Variants in DAB1 observed in about 807,000 individuals in gnomAD.
DAB1 encodes DAB adaptor protein 1, also known as disabled homolog 1.
DAB1 carries 15 observed loss-of-function variants against 64.6 expected under a neutral mutation model. That is an observed-to-expected ratio of 0.23 (90% CI 0.16 to 0.36). The LOEUF is 0.36. Ranked by LOEUF, DAB1 falls within the 10% of genes least tolerant of loss-of-function variation. The probability of loss-of-function intolerance (pLI) is 1.00; values close to 1 mark genes in which losing one functional copy is unlikely to be tolerated. For synonymous variants in DAB1, 235 were observed against 251.9 expected (o/e 0.93, Z 0.64); for missense variants, 596 against 706.7 (o/e 0.84, Z 1.78).
intron 5 of DAB1, chr1:58,048,998 C>A (rs1348333413): frequency 2.5e-6 from 2 of 809,034 alleles, no homozygotes; most frequent in East Asian, 2.4e-5. Context: ...TAAGTGGGCA[C>A]CTGGTCTTTG....
At chr1:58,544,759 A>C (rs1251249965) in intron 1 of DAB1, among the ~76,000 whole-genome samples, 1 of 152,056 alleles carries the variant, frequency 6.6e-6, no homozygotes, top group Non-Finnish European at 1.5e-5. Flanking sequence ...ACATCTGGCT[A>C]ATTTTTGTAT....
intron 3 of DAB1, among the ~76,000 whole-genome samples, chr1:58,406,719 C>G (rs749163069): frequency 3.2e-4 from 9 of 28,116 alleles, no homozygotes; most frequent in African/African-American, 5.8e-4. Context: ...TCCCCCCCCC[C>G]CAACTGCCAC....
At chr1:57,522,691 GGT>G (rs1644542942) in intron 7 of DAB1, among the ~76,000 whole-genome samples, 1 of 152,076 alleles carries the variant, frequency 6.6e-6, no homozygotes, top group Non-Finnish European at 1.5e-5. Context: ...ATTGTTCCTG[GGT>G]GTGTCTGTGA....
chr1:57,335,672 C>T (rs1435293865), intron 1 of DAB1, among the ~76,000 whole-genome samples: 6 of 152,106 alleles, frequency 3.9e-5, no homozygotes, highest in African/African-American at 1.4e-4. Flanking sequence ...ATGGCATACC[C>T]CTGCTCATCT....
intron 1 of DAB1, among the ~76,000 whole-genome samples, chr1:57,301,194 A>G (rs2100698658): frequency 6.6e-6 from 1 of 152,308 alleles, no homozygotes; most frequent in African/African-American, 2.4e-5. Flanking sequence ...CACATTTCCT[A>G]AACACTGACT....
At chr1:57,034,892 C>T (rs552305747) in intron 9 of DAB1, among the ~76,000 whole-genome samples, 1 of 152,296 alleles carries the variant, frequency 6.6e-6, no homozygotes, top group South Asian at 2.1e-4. Context: ...GTGACTGTTA[C>T]TTCCCTCAGC....
At position 58,056,155 on chromosome 1, in the gene DAB1, C is replaced by A. The variant is rs369461173; in HGVS notation, n.387+94356G>T. On this transcript the variant is annotated intron_variant and non_coding_transcript_variant, in intron 5 of 20. Transcript: ENST00000485760. ...TCCTTACATGGGCTTTGGTGGGGGA[C>A]GTGGGGCAGCACCCGCAGGTCTAAA... The A allele has an allele frequency of 8.5e-5, 123 of 1,452,418 alleles. No individual in the cohort carries two copies. In the South Asian group the frequency reaches 1.3e-3, roughly 16 times the overall value. 90.0% of individuals were successfully genotyped at this position (1,452,418 alleles called of 1,614,324 possible). A position where few individuals can be genotyped will look rare whatever the true frequency, so the allele number is the denominator to read the frequency against.
intron 2 of DAB1, among the ~76,000 whole-genome samples, chr1:57,196,534 A>G (rs1378774648): frequency 2.6e-5 from 4 of 152,204 alleles, no homozygotes; most frequent in Admixed American, 1.3e-4. Flanking sequence ...TGGCTAAAGA[A>G]AGGGCTTTAA....
At chr1:57,519,220 A>G (rs1171736329) in intron 7 of DAB1, among the ~76,000 whole-genome samples, 1 of 152,132 alleles carries the variant, frequency 6.6e-6, no homozygotes, top group Admixed American at 6.5e-5. Flanking sequence ...TATCAACTCT[A>G]TAAATACTTA....
chr1:57,842,790 G>T (rs550182104), intron 1 of DAB1, among the ~76,000 whole-genome samples: 66 of 152,178 alleles, frequency 4.3e-4, no homozygotes, highest in Non-Finnish European at 7.1e-4. Flanking sequence ...CACATGTGAG[G>T]ATTACAATTC....
intron 3 of DAB1, among the ~76,000 whole-genome samples, chr1:58,387,249 A>AG (rs1357030444): frequency 4.6e-5 from 7 of 152,200 alleles, no homozygotes; most frequent in African/African-American, 1.7e-4. Context: ...CCACTCTCTG[A>AG]AGGTTCACTG....
chr1:58,517,411 C>T (rs1473064758), intron 2 of DAB1, among the ~76,000 whole-genome samples: 2 of 152,174 alleles, frequency 1.3e-5, no homozygotes, highest in Non-Finnish European at 2.9e-5. Context: ...CCATGCCAAA[C>T]ACTACACCTA....
chr1:57,684,577 A>T (rs1646672529), intron 6 of DAB1, among the ~76,000 whole-genome samples: 1 of 152,236 alleles, frequency 6.6e-6, no homozygotes, highest in African/African-American at 2.4e-5. Context: ...AAGGGAATTC[A>T]TTACAACTAG....
intron 1 of DAB1, among the ~76,000 whole-genome samples, chr1:57,361,186 CA>C (rs1208499134): frequency 6.6e-6 from 1 of 152,120 alleles, no homozygotes; most frequent in East Asian, 1.9e-4. Flanking sequence ...ACTGCAATTA[CA>C]GATGTAATAT....
At chr1:57,520,481 A>C (rs778150801) in intron 7 of DAB1, among the ~76,000 whole-genome samples, 39 of 152,076 alleles carry the variant, frequency 2.6e-4, no homozygotes, top group Non-Finnish European at 4.1e-4. Context: ...TTTTGCATAT[A>C]TTGTTCTTTA....
At chr1:57,092,119 G>A (rs521147) in intron 4 of DAB1, among the ~76,000 whole-genome samples, 79,607 of 152,062 alleles carry the variant, frequency 0.52, 21,275 homozygotes, top group South Asian at 0.64. Flanking sequence ...AAACCATGCC[G>A]TTAGAAAGAC....
At chr1:58,287,420 G>T (rs1661710832) in intron 4 of DAB1, among the ~76,000 whole-genome samples, 1 of 152,132 alleles carries the variant, frequency 6.6e-6, no homozygotes, top group African/African-American at 2.4e-5. Flanking sequence ...CTTTAGTTGG[G>T]TGTCTCATGT....
At chr1:57,481,794 G>A (rs896505263) in intron 7 of DAB1, among the ~76,000 whole-genome samples, 5 of 147,604 alleles carry the variant, frequency 3.4e-5, no homozygotes, top group African/African-American at 1.2e-4. Context: ...TCCAGCCTGG[G>A]TGACAGAGCA....
chr1:58,268,955 C>G (rs1340906233), intron 4 of DAB1, among the ~76,000 whole-genome samples: 2 of 152,016 alleles, frequency 1.3e-5, no homozygotes, highest in Non-Finnish European at 2.9e-5. Flanking sequence ...AGAAATAAAC[C>G]TTCACATATA....
Sources: allele counts gnomAD v4.1 joint callset (sites outside exome capture counted in the v4.1 genomes callset), GRCh38; gene constraint gnomAD v4.1.1; transcripts MANE v1.5; gene names NCBI Gene and HGNC (gene_info 2026-07-23, HGNC 2026-07-21).